Variants in WDR45 observed in about 807,000 individuals in gnomAD.
WDR45 encodes the protein WD repeat domain 45.
In WDR45, 2 loss-of-function variants were observed where a neutral mutation model predicts 27.3. That is an observed-to-expected ratio of 0.07 (90% CI 0.03 to 0.23). The LOEUF (loss-of-function observed/expected upper bound fraction) is 0.23. Ranked by LOEUF, WDR45 falls within the 10% of genes least tolerant of loss-of-function variation. The pLI, the probability that WDR45 is intolerant of heterozygous loss-of-function variation, is 1.00. For missense variants in WDR45, 175 were observed against 311.9 expected (o/e 0.56, Z 3.31); for synonymous variants, 99 against 119.2 (o/e 0.83, Z 1.11).
intron 1 of WDR45, chrX:49,079,216 C>G (rs1324983847): frequency 1.8e-5 from 2 of 108,934 alleles, no homozygotes; most frequent in Non-Finnish European, 3.8e-5. Flanking sequence ...CATAACCTGG[C>G]CTGGACCCAA....
At chrX:49,092,619 A>C in intron 2 of WDR45, among the ~76,000 whole-genome samples, 1 of 111,744 alleles carries the variant, frequency 8.9e-6, no homozygotes, top group East Asian at 2.8e-4. Flanking sequence ...TATCACCTAA[A>C]TCACTTTATC....
Position 49,077,633 on chromosome X carries a change from G to C in WDR45, c.235+10C>G. On this transcript the variant is annotated intron_variant, in intron 4 of 10. Transcript: ENST00000376372. ...AAATCTGGGCCAAAGGGCAGGATGAGGGCACTTACCTGAGATCTCTGAGAA... is the reference window on the plus strand; with the variant it reads ...AAATCTGGGCCAAAGGGCAGGATGACGGCACTTACCTGAGATCTCTGAGAA... The C allele has an allele frequency of 8.4e-7, 1 of 1,186,178 alleles. No homozygotes were observed. Among genetic ancestry groups the C allele is most frequent in the Non-Finnish European group, 1.1e-6 (1 of 881,364 alleles).
chrX:49,088,849 GAAAC>G lies in WDR45; in HGVS notation c.-17-10741_-17-10738del, dbSNP rs782539223. On this transcript the variant is annotated intron_variant, in intron 2 of 11. Coordinates refer to the WDR45 transcript ENST00000356463. ...ACAACAAGAGGGAGACCTTATCTCAGAAACAAACAAACAAACAAAAAGAAGTCAC... is the reference window on the plus strand; with the variant it reads ...ACAACAAGAGGGAGACCTTATCTCAGAAACAAACAAACAAAAAGAAGTCAC... 4.7e-4 allele frequency among the ~76,000 whole-genome samples: 53 copies of G among 111,584 alleles called. 2 individuals carry two copies. Among genetic ancestry groups the G allele is most frequent in the Admixed American group, 4.3e-3 (45 of 10,380 alleles).
chrX:49,076,231 C>CCCAGGGGTGGGGCAGGT, intron 6 of WDR45, 199 bp downstream of exon 6: 2 of 508,323 alleles, frequency 3.9e-6, no homozygotes, highest in South Asian at 3.2e-5. Context: ...CACTGGGGTA[C>CCCAGGGGTGGGGCAGGT]CCAGGGGTGG....
At chrX:49,099,130 C>T (rs1404451114) in intron 2 of WDR45, among the ~76,000 whole-genome samples, 1 of 111,168 alleles carries the variant, frequency 9.0e-6, no homozygotes, top group Non-Finnish European at 1.9e-5. Context: ...TTGAGACCAT[C>T]CTGGCCAACA....
chrX:49,087,335 G>A lies in WDR45; in HGVS notation c.-17-9223C>T, dbSNP rs1352921736. Among the ~76,000 whole-genome samples the A allele has an allele frequency of 5.5e-5, 6 of 108,639 alleles. No homozygotes were observed. In the South Asian group the frequency reaches 1.2e-3, roughly 22 times the overall value. The allele number at this position is 108,639 out of a possible 115,157, so 94.3% of individuals were successfully genotyped here. ...ATCGCACCATTGCACTCCAGCCTGGGCAACAAGAGCAAAACTGCGTCTCAA... is the reference window on the plus strand; with the variant it reads ...ATCGCACCATTGCACTCCAGCCTGGACAACAAGAGCAAAACTGCGTCTCAA... On this transcript the variant is annotated intron_variant, in intron 2 of 11. Coordinates refer to the WDR45 transcript ENST00000356463.
intron 2 of WDR45, among the ~76,000 whole-genome samples, chrX:49,097,555 T>C (rs1363382739): frequency 1.8e-5 from 2 of 110,389 alleles, no homozygotes; most frequent in Non-Finnish European, 3.8e-5. Flanking sequence ...CTTGAACTCC[T>C]GACCTCAGGT....
At chrX:49,086,858 G>C (rs975002561) in intron 2 of WDR45, among the ~76,000 whole-genome samples, 4 of 109,122 alleles carry the variant, frequency 3.7e-5, no homozygotes, top group Admixed American at 2.0e-4. Flanking sequence ...CTCCCAAAAT[G>C]CTGGGATTAC....
At chrX:49,078,498 G>T (rs1267744342) in intron 1 of WDR45, among the ~76,000 whole-genome samples, 1 of 111,567 alleles carries the variant, frequency 9.0e-6, no homozygotes. Flanking sequence ...TTCCAGCCTG[G>T]GTGACAGAGC....
chrX:49,076,586 AT>A, intron 5 of WDR45, 58 bp downstream of exon 5: 1 of 1,199,476 alleles, frequency 8.3e-7, no homozygotes, highest in Non-Finnish European at 1.1e-6. Context: ...AGGGAGGACT[AT>A]CCCTCTCACT....
At chrX:49,081,282 G>C (rs1173355037), upstream of WDR45, among the ~76,000 whole-genome samples, 1 of 106,720 alleles carries the variant, frequency 9.4e-6, no homozygotes, top group African/African-American at 3.4e-5. Context: ...TGTAATCCCA[G>C]CACTTTGGGA....
intron 6 of WDR45, 21 bp downstream of exon 6, chrX:49,076,409 T>C (rs782382004): frequency 8.3e-7 from 1 of 1,205,610 alleles, no homozygotes; most frequent in Admixed American, 2.2e-5. Context: ...CCCTTACACC[T>C]GTGTATCTGA....
In WDR45 at chrX:49,075,382, C is replaced by T. The variant is rs1557083966; in HGVS notation, c.809G>A (p.Arg270His). Residue 270 changes from arginine to histidine, a missense_variant, in exon 9 of 11, where the codon CGC becomes CAC. Coordinates refer to ENST00000376372, the MANE Select transcript of WDR45 (RefSeq NM_001029896.2). ...TACTCACGCGGAGCGGCGGTTGAGG[C>T]GGGTATCCTTGAGAGCAAAGATATG... is the stretch of plus-strand genomic sequence containing the variant. Reference protein sequence around the residue: ...TVHIFALKDTRLNRRSALARV... With the variant: ...TVHIFALKDTHLNRRSALARV... 5 of 1,202,975 alleles carry T rather than the reference C, an allele frequency of 4.2e-6. No individual in the cohort carries two copies. The highest frequency in any genetic ancestry group is 1.8e-5 in the South Asian group (1 of 56,088).
At chrX:49,076,307 A>G in intron 6 of WDR45, 123 bp downstream of exon 6, 1 of 758,636 alleles carries the variant, frequency 1.3e-6, no homozygotes, top group Non-Finnish European at 2.0e-6. Context: ...GAGTGTGAGC[A>G]TCTCCCTGCC....
At chrX:49,083,228 G>A (rs781847345), upstream of WDR45, among the ~76,000 whole-genome samples, 7 of 108,053 alleles carry the variant, frequency 6.5e-5, no homozygotes, top group Non-Finnish European at 1.3e-4. Flanking sequence ...TGGCCAGGCT[G>A]GTCTGGAACT....
intron 2 of WDR45, among the ~76,000 whole-genome samples, chrX:49,087,264 C>T (rs1169786991): frequency 2.8e-5 from 3 of 108,298 alleles, no homozygotes; most frequent in African/African-American, 1.0e-4. Context: ...GGCTGAGGCA[C>T]GAGAATCTCT....
upstream of WDR45, among the ~76,000 whole-genome samples, chrX:49,083,922 G>A (rs1211147981): frequency 1.1e-5 from 1 of 94,019 alleles, no homozygotes; most frequent in African/African-American, 3.9e-5. Context: ...ACTCCAGCCT[G>A]GGTGACAGAG....
upstream of WDR45, among the ~76,000 whole-genome samples, chrX:49,083,945 TAAAAA>T (rs1296886066): frequency 2.1e-5 from 1 of 48,097 alleles, no homozygotes; most frequent in Non-Finnish European, 3.8e-5. Context: ...ACACTCTGTC[TAAAAA>T]AAAAAAAAAA....
At chrX:49,077,015 G>A (rs2065042108) in intron 4 of WDR45, 1 of 358,192 alleles carries the variant, frequency 2.8e-6, no homozygotes. Flanking sequence ...AAGCTCATCA[G>A]CAACCAAACA....
Sources: allele counts gnomAD v4.1 joint callset (sites outside exome capture counted in the v4.1 genomes callset), GRCh38; gene constraint gnomAD v4.1.1; transcripts MANE v1.5; gene names NCBI Gene and HGNC (gene_info 2026-07-23, HGNC 2026-07-21).